CTCFL: variants seen among roughly 807,000 people sequenced by gnomAD.
The protein encoded by CTCFL is CCCTC-binding factor like, also known as transcriptional repressor CTCFL.
CTCFL carries 36 observed loss-of-function variants against 67.4 expected under a neutral mutation model. The ratio of observed to expected loss-of-function variants is 0.53; its 90% confidence interval spans 0.41 to 0.71. CTCFL has a LOEUF of 0.71. CTCFL is among the 30% of genes least tolerant of loss of function. CTCFL has a pLI of 0.00. For synonymous variants in CTCFL, 324 were observed against 302.3 expected (o/e 1.07, Z -0.75); for missense variants, 786 against 835.2 (o/e 0.94, Z 0.73).
intron 9 of CTCFL, among the ~76,000 whole-genome samples, chr20:57,504,609 G>C (rs1289113676): frequency 5.9e-5 from 9 of 151,824 alleles, no homozygotes; most frequent in African/African-American, 2.2e-4. Context: ...CCGTCCCTGA[G>C]TTGTTTTTTA....
At chr20:57,499,241 GAAGA>G (rs1240079467) in intron 10 of CTCFL, among the ~76,000 whole-genome samples, 1 of 152,182 alleles carries the variant, frequency 6.6e-6, no homozygotes, top group African/African-American at 2.4e-5. Flanking sequence ...CTGCCTACAT[GAAGA>G]AAGCCAGTTG....
chr20:57,496,728 C>T (rs185623519), downstream of CTCFL, among the ~76,000 whole-genome samples: 317 of 152,332 alleles, frequency 2.1e-3, 2 homozygotes, highest in African/African-American at 7.2e-3. Flanking sequence ...GCTGATTTCA[C>T]TCAGCATAAC....
In CTCFL at chr20:57,519,296, TGA is replaced by T; in HGVS notation, c.834_835del (p.Thr280GlnfsTer2). ...ACACAGGTGAGGCTTCTCACTGGTG[TGA>T]GTTTTCATATGACGATTAAAACTTG... On this transcript the variant is annotated frameshift_variant, in exon 4 of 11. Transcript: ENST00000243914. LOFTEE classifies it high-confidence loss of function. The T allele has an allele frequency of 6.2e-7, 1 of 1,614,130 alleles. No homozygotes were observed. The highest frequency in any genetic ancestry group is 1.1e-5 in the South Asian group (1 of 91,080).
At chr20:57,516,676 TC>T (rs1222255060) in intron 5 of CTCFL, among the ~76,000 whole-genome samples, 1 of 152,202 alleles carries the variant, frequency 6.6e-6, no homozygotes, top group African/African-American at 2.4e-5. Flanking sequence ...GAGGAAGGTG[TC>T]CCTGGCTATT....
Position 57,497,638 on chromosome 20 carries a change from T to A in CTCFL, c.*912A>T, listed in dbSNP as rs943319679. The stretch of plus-strand genomic sequence containing the variant: ...CTGGCAAAAGGGAAATACTCACTAA[T>A]CACTGGGCATTATGAAAAAGTACAA... On this transcript the variant is annotated 3_prime_UTR_variant, in exon 11 of 11. Transcript: ENST00000243914. The A allele has an allele frequency of 3.0e-6, 3 of 985,334 alleles. No individual in the cohort carries two copies. In the Admixed American group the frequency reaches 1.8e-4, roughly 61 times the overall value. The allele number at this position is 985,334 out of a possible 1,614,324, so 61.0% of individuals were successfully genotyped here.
At chr20:57,524,390 G>C in intron 1 of CTCFL, 174 bp from the exon 2 acceptor site, 1 of 1,434,056 alleles carries the variant, frequency 7.0e-7, no homozygotes, top group Non-Finnish European at 9.1e-7. Context: ...GTCTAGGAGG[G>C]GGTCAAGGCT....
At chr20:57,514,847 C>T in intron 6 of CTCFL, 106 bp from the exon 7 acceptor site, 2 of 1,233,448 alleles carry the variant, frequency 1.6e-6, no homozygotes, top group Non-Finnish European at 2.3e-6. Flanking sequence ...CCTTTATCAA[C>T]CCCCTTCTCA....
chr20:57,515,345 A>T (rs147695158), intron 6 of CTCFL: 2 of 241,758 alleles, frequency 8.3e-6, no homozygotes, highest in Admixed American at 1.0e-4. Context: ...GGGTCTCCCT[A>T]TGTTGACCAG....
At position 57,508,608 on chromosome 20, in the gene CTCFL, A is replaced by G; in HGVS notation, c.1672T>C (p.Trp558Arg). Reference sequence around the variant, plus strand: ...TACTGTGACTTAAGTAAGCTTACCCAGCGGGAAAAGCCTTTGCCACACTTG... The same window carrying G: ...TACTGTGACTTAAGTAAGCTTACCCGGCGGGAAAAGCCTTTGCCACACTTG... Reference protein sequence around the residue: ...CSKCGKGFSRWINLHRHSEKC... With the variant: ...CSKCGKGFSRRINLHRHSEKC... Residue 558 changes from tryptophan (W) to arginine (R), a missense_variant and splice_region_variant, in exon 9 of 11, where the codon TGG (tryptophan) becomes CGG (arginine). Around this residue, in one of 3 missense-constraint regions of CTCFL, gnomAD observed 199 missense variants for 196.7 expected, o/e 1.01. Transcript: ENST00000243914. The G allele has an allele frequency of 6.2e-7, 1 of 1,613,960 alleles. No individual in the cohort carries two copies. Among genetic ancestry groups the G allele is most frequent in the Non-Finnish European group, 8.5e-7 (1 of 1,179,824 alleles).
chr20:57,502,380 T>C (rs1199264129), intron 10 of CTCFL, among the ~76,000 whole-genome samples: 2 of 152,186 alleles, frequency 1.3e-5, no homozygotes, highest in East Asian at 3.9e-4. Context: ...ATATCCCAAA[T>C]AGTGCATGGG....
intron 5 of CTCFL, among the ~76,000 whole-genome samples, chr20:57,516,576 C>T (rs1010662660): frequency 1.1e-4 from 16 of 152,086 alleles, no homozygotes; most frequent in African/African-American, 3.6e-4. Context: ...AACCCTAGCT[C>T]TTTAATGGAG....
In CTCFL at chr20:57,497,269, A is replaced by C; in HGVS notation, c.*1281T>G. 1 of 982,174 alleles carries C rather than the reference A, an allele frequency of 1.0e-6. No individual in the cohort carries two copies. Among genetic ancestry groups the C allele is most frequent in the Non-Finnish European group, 1.2e-6 (1 of 826,944 alleles). The allele number at this position is 982,174 out of a possible 1,614,324, so 60.8% of individuals were successfully genotyped here. ...GCACAAATTCAGTCACAATGATGGC[A>C]TACTACAGCCCACAGAATTTAAATC... On this transcript the variant is annotated 3_prime_UTR_variant, in exon 11 of 11. Coordinates refer to ENST00000243914, the MANE Select transcript of CTCFL (RefSeq NM_001386993.1).
intron 9 of CTCFL, among the ~76,000 whole-genome samples, chr20:57,504,284 CTT>C (rs1280310031): frequency 2.8e-5 from 4 of 141,292 alleles, no homozygotes; most frequent in Non-Finnish European, 4.7e-5. Flanking sequence ...CCCCCGTCTC[CTT>C]TTTTTTTTTT....
intron 6 of CTCFL, 68 bp from the exon 7 acceptor site, chr20:57,514,809 A>C: frequency 6.7e-7 from 1 of 1,485,436 alleles, no homozygotes; most frequent in Non-Finnish European, 8.9e-7. Flanking sequence ...CCTGTGCTGA[A>C]AGTGTTTTTT....
At chr20:57,510,048 T>G (rs1332038997) in intron 8 of CTCFL, among the ~76,000 whole-genome samples, 1 of 152,254 alleles carries the variant, frequency 6.6e-6, no homozygotes, top group Non-Finnish European at 1.5e-5. Flanking sequence ...GGCCTCAGAA[T>G]ATTCTTTGTT....
chr20:57,514,491 G>T (rs755444985), intron 7 of CTCFL, 101 bp downstream of exon 7: 1 of 1,391,670 alleles, frequency 7.2e-7, no homozygotes, highest in Middle Eastern at 1.9e-4. Context: ...CCCGAAGACC[G>T]GGCCTCCCAG....
intron 10 of CTCFL, among the ~76,000 whole-genome samples, chr20:57,499,099 G>T: frequency 7.0e-6 from 1 of 143,582 alleles, no homozygotes; most frequent in Non-Finnish European, 1.5e-5. Flanking sequence ...GGGGGACACA[G>T]TCATTCCCAG....
chr20:57,501,410 AGC>A (rs1408157540), intron 10 of CTCFL, among the ~76,000 whole-genome samples: 3 of 94,588 alleles, frequency 3.2e-5, no homozygotes, highest in Non-Finnish European at 6.1e-5. Context: ...GGGGACATAA[AGC>A]TGCTCATCTG....
At chr20:57,518,986 T>C (rs184352284) in intron 4 of CTCFL, 95 bp from the exon 5 acceptor site, 4 of 1,433,940 alleles carry the variant, frequency 2.8e-6, no homozygotes, top group East Asian at 4.6e-5. Context: ...GTCTCAAAAA[T>C]GCTTTAAAAA....
Sources: allele counts gnomAD v4.1 joint callset (sites outside exome capture counted in the v4.1 genomes callset), GRCh38; gene constraint gnomAD v4.1.1; regional missense constraint gnomAD v4.1.1; transcripts MANE v1.5; gene names NCBI Gene and HGNC (gene_info 2026-07-23, HGNC 2026-07-21).